Variants in HECW1 observed in about 807,000 individuals in gnomAD.
HECW1 encodes the protein HECT, C2 and WW domain containing E3 ubiquitin protein ligase 1, also known as E3 ubiquitin-protein ligase HECW1.
In HECW1, 61 loss-of-function variants were observed where a neutral mutation model predicts 182.3. The ratio of observed to expected loss-of-function variants is 0.33; its 90% CI spans 0.27 to 0.41. The LOEUF is 0.41. HECW1 is among the 10% of genes least tolerant of loss of function. HECW1 has a pLI of 1.00. For synonymous variants in HECW1, 859 were observed against 832.6 expected, an observed-to-expected ratio of 1.03 and a Z score of -0.55; for missense variants, 1,739 against 2,108.9, an observed-to-expected ratio of 0.82 and a Z score of 3.44.
At position 43,449,638 on chromosome 7, in the gene HECW1, C is replaced by T. The variant is rs188000736; in HGVS notation, c.2399-1190C>T. ...CTACAACCATTTGACCACCATTTTT[C>T]AGTCTCTCTCCTTTTTGACCCAAGG... On this transcript the variant is annotated intron_variant, in intron 11 of 29. Coordinates refer to ENST00000395891, the MANE Select transcript of HECW1 (RefSeq NM_015052.5). Among the ~76,000 whole-genome samples, 508 of 152,344 alleles carry T rather than the reference C, an allele frequency of 3.3e-3. 6 individuals are homozygous for T. Among genetic ancestry groups the T allele is most frequent in the African/African-American group, 0.012 (494 of 41,580 alleles).
rs575444615 is a variant in HECW1, at chr7:43,482,177, G to A, written c.3234+2433G>A. ...AGAAGAGGACACCAAGAAAAGCAAC[G>A]GAGAGAGAAGCCAAGAGGCAGAGAG... On this transcript the variant is annotated intron_variant, in intron 17 of 29. Transcript: ENST00000395891. Among the ~76,000 whole-genome samples the A allele has an allele frequency of 1.1e-4, 17 of 152,170 alleles. No individual in the cohort carries two copies. In the South Asian group the frequency reaches 2.9e-3, roughly 26 times the overall value.
intron 4 of HECW1, among the ~76,000 whole-genome samples, chr7:43,313,704 A>T (rs1275135535): frequency 6.6e-6 from 1 of 152,188 alleles, no homozygotes; most frequent in Non-Finnish European, 1.5e-5. Flanking sequence ...AAAATGTAGA[A>T]GTTTCAAGTT....
At chr7:43,472,800 CA>C (rs989593492) in intron 16 of HECW1, among the ~76,000 whole-genome samples, 1 of 152,042 alleles carries the variant, frequency 6.6e-6, no homozygotes, top group African/African-American at 2.4e-5. Flanking sequence ...AAGTTACCTA[CA>C]AAAGATTAAA....
intron 5 of HECW1, among the ~76,000 whole-genome samples, chr7:43,323,988 C>G (rs182439281): frequency 6.6e-6 from 1 of 151,816 alleles, no homozygotes; most frequent in South Asian, 2.1e-4. Context: ...GAGCCGAGAT[C>G]GCACCATTGC....
At chr7:43,466,126 A>G (rs2077769064) in intron 14 of HECW1, among the ~76,000 whole-genome samples, 1 of 149,680 alleles carries the variant, frequency 6.7e-6, no homozygotes, top group African/African-American at 2.5e-5. Context: ...AGAAAGAAAA[A>G]GAAAGAAAGG....
chr7:43,533,085 A>G (rs2081055192), intron 24 of HECW1, among the ~76,000 whole-genome samples: 1 of 152,070 alleles, frequency 6.6e-6, no homozygotes, highest in Non-Finnish European at 1.5e-5. Context: ...GACACTGGCA[A>G]TGTCAGGAGG....
At chr7:43,460,210 C>G (rs894184459) in intron 13 of HECW1, among the ~76,000 whole-genome samples, 27 of 152,316 alleles carry the variant, frequency 1.8e-4, no homozygotes, top group African/African-American at 6.3e-4. Context: ...GGTATCAATG[C>G]CTAACTGCTT....
chr7:43,257,847 TAAGAAG>T, intron 3 of HECW1, among the ~76,000 whole-genome samples: 1 of 151,928 alleles, frequency 6.6e-6, no homozygotes, highest in Non-Finnish European at 1.5e-5. Context: ...CAATTAGAAA[TAAGAAG>T]AAGAATAGTG....
At chr7:43,470,402 T>C (rs966412130) in intron 16 of HECW1, among the ~76,000 whole-genome samples, 1 of 152,166 alleles carries the variant, frequency 6.6e-6, no homozygotes, top group African/African-American at 2.4e-5. Context: ...TGCCGAGCCT[T>C]GGATTTCCAT....
chr7:43,465,062 G>A (rs1022058867), intron 14 of HECW1, among the ~76,000 whole-genome samples: 5 of 152,004 alleles, frequency 3.3e-5, no homozygotes, highest in African/African-American at 7.2e-5. Flanking sequence ...TCAGCCTCCC[G>A]AAGTGCTAGG....
intron 6 of HECW1, among the ~76,000 whole-genome samples, chr7:43,365,614 T>C (rs1816545052): frequency 6.6e-6 from 1 of 152,246 alleles, no homozygotes; most frequent in African/African-American, 2.4e-5. Flanking sequence ...TTCTTATTCT[T>C]ACCTCAGATT....
intron 2 of HECW1, chr7:43,163,037 C>G (rs1030407548): frequency 6.6e-6 from 1 of 152,252 alleles, no homozygotes; most frequent in Non-Finnish European, 1.5e-5. Context: ...GACTATGAAA[C>G]TCATTAACTG....
intron 19 of HECW1, among the ~76,000 whole-genome samples, chr7:43,495,678 T>C (rs968441223): frequency 2.0e-5 from 3 of 152,198 alleles, no homozygotes; most frequent in African/African-American, 7.2e-5. Context: ...GCCACTTTCA[T>C]TTATGTTCAA....
intron 2 of HECW1, among the ~76,000 whole-genome samples, chr7:43,170,248 A>G (rs147360129): frequency 5.9e-5 from 9 of 152,310 alleles, no homozygotes; most frequent in African/African-American, 1.7e-4. Context: ...GTATATATTA[A>G]CATGTAATAA....
chr7:43,253,523 C>T (rs1307486259), intron 3 of HECW1, among the ~76,000 whole-genome samples: 1 of 152,220 alleles, frequency 6.6e-6, no homozygotes, highest in African/African-American at 2.4e-5. Flanking sequence ...TTTATTATGG[C>T]TGCTGATAGC....
chr7:43,410,384 C>T (rs556333774), intron 8 of HECW1, among the ~76,000 whole-genome samples: 2 of 152,238 alleles, frequency 1.3e-5, no homozygotes, highest in East Asian at 1.9e-4. Context: ...CTAATCCCAT[C>T]GTGAGGACCC....
rs143946476 is a variant in HECW1, at chr7:43,174,879, A to T, written c.-32+60488A>T. Among the ~76,000 whole-genome samples, 294 of 152,282 alleles carry T rather than the reference A, an allele frequency of 1.9e-3. 3 individuals are homozygous for T. Among genetic ancestry groups the T allele is most frequent in the African/African-American group, 6.7e-3 (280 of 41,554 alleles). On this transcript the variant is annotated intron_variant, in intron 2 of 29. Coordinates refer to ENST00000395891, the MANE Select transcript of HECW1 (RefSeq NM_015052.5). Reference sequence around the variant, plus strand: ...TGCTGTGCCCCTAACAGCAACTCAGATGGAATATACTTACTCATCTCTGTT... The same window carrying T: ...TGCTGTGCCCCTAACAGCAACTCAGTTGGAATATACTTACTCATCTCTGTT...
At chr7:43,324,090 C>A (rs1810481208) in intron 5 of HECW1, among the ~76,000 whole-genome samples, 1 of 151,824 alleles carries the variant, frequency 6.6e-6, no homozygotes, top group Non-Finnish European at 1.5e-5. Flanking sequence ...GAAAGTTGAA[C>A]ACTTTAGATA....
intron 24 of HECW1, among the ~76,000 whole-genome samples, chr7:43,516,280 G>A (rs2080144893): frequency 1.3e-5 from 2 of 152,310 alleles, no homozygotes; most frequent in South Asian, 4.1e-4. Flanking sequence ...AGGGAGGGAA[G>A]AAGACAGGCT....
Sources: allele counts gnomAD v4.1 joint callset (sites outside exome capture counted in the v4.1 genomes callset), GRCh38; gene constraint gnomAD v4.1.1; transcripts MANE v1.5; gene names NCBI Gene and HGNC (gene_info 2026-07-23, HGNC 2026-07-21).